PIP5K1B: variants seen among roughly 807,000 people sequenced by gnomAD.
PIP5K1B encodes phosphatidylinositol 4-phosphate 5-kinase type-1 beta.
In PIP5K1B, 42 loss-of-function variants were observed where a neutral mutation model predicts 67.0. The observed-to-expected ratio is 0.63, with a 90% CI of 0.49 to 0.81. The LOEUF is 0.81. Ranked by LOEUF, PIP5K1B falls within the 30% of genes least tolerant of loss-of-function variation. The probability of loss-of-function intolerance (pLI) is 0.00; values close to 1 mark genes in which losing one functional copy is unlikely to be tolerated. For synonymous variants in PIP5K1B, 214 were observed against 231.4 expected (o/e 0.92, Z 0.68); for missense variants, 459 against 646.3 (o/e 0.71, Z 3.14).
intron 2 of PIP5K1B, chr9:68,781,064 A>C: frequency 1.9e-6 from 3 of 1,582,494 alleles, no homozygotes; most frequent in Non-Finnish European, 2.6e-6. Context: ...TGCAGTGGAG[A>C]GAGAGAATAA....
chr9:68,957,874 C>CT (rs61201790), intron 14 of PIP5K1B, among the ~76,000 whole-genome samples: 50 of 146,842 alleles, frequency 3.4e-4, no homozygotes, highest in Middle Eastern at 7.0e-3. Flanking sequence ...GTTTTCTTTT[C>CT]TTTTTTTTTT....
At chr9:68,995,069 A>G (rs1830544729) in intron 15 of PIP5K1B, among the ~76,000 whole-genome samples, 1 of 151,856 alleles carries the variant, frequency 6.6e-6, no homozygotes, top group Admixed American at 6.6e-5. Context: ...CCTCAGGCCC[A>G]GGAGTCTGAG....
chr9:68,954,632 A>G (rs1365449722), intron 14 of PIP5K1B, among the ~76,000 whole-genome samples: 1 of 152,216 alleles, frequency 6.6e-6, no homozygotes, highest in East Asian at 1.9e-4. Flanking sequence ...GTATCTCATC[A>G]TGAGACAGTA....
chr9:68,961,832 A>C (rs1395950060), intron 14 of PIP5K1B, among the ~76,000 whole-genome samples: 1 of 151,954 alleles, frequency 6.6e-6, no homozygotes, highest in Non-Finnish European at 1.5e-5. Flanking sequence ...CGGAGAATAA[A>C]CCTCCATTCT....
intron 1 of PIP5K1B, among the ~76,000 whole-genome samples, chr9:68,724,176 G>A (rs767910696): frequency 4.0e-5 from 6 of 151,416 alleles, no homozygotes; most frequent in Non-Finnish European, 5.9e-5. Flanking sequence ...AAATGGGTTG[G>A]CTGCAAGTGT....
intron 4 of PIP5K1B, among the ~76,000 whole-genome samples, chr9:68,861,311 T>C (rs1319564852): frequency 1.3e-5 from 2 of 152,150 alleles, no homozygotes. Flanking sequence ...CAAGAGCATA[T>C]ATTTGGTCCT....
At chr9:68,915,146 C>CT (rs1826033795) in intron 8 of PIP5K1B, among the ~76,000 whole-genome samples, 1 of 152,286 alleles carries the variant, frequency 6.6e-6, no homozygotes, top group African/African-American at 2.4e-5. Context: ...GATGAGGAAA[C>CT]TGAGACACAA....
At chr9:68,838,212 G>C (rs1463040301) in intron 4 of PIP5K1B, among the ~76,000 whole-genome samples, 5 of 151,332 alleles carry the variant, frequency 3.3e-5, no homozygotes, top group African/African-American at 9.7e-5. Context: ...GTTCATGACT[G>C]ATTCTTGGGT....
intron 3 of PIP5K1B, among the ~76,000 whole-genome samples, chr9:68,820,086 C>T (rs1379574218): frequency 1.3e-5 from 2 of 152,148 alleles, no homozygotes; most frequent in Non-Finnish European, 2.9e-5. Flanking sequence ...AAGCACCCTT[C>T]AGAGTTGCTC....
At chr9:68,771,896 A>G (rs1413054161) in intron 2 of PIP5K1B, among the ~76,000 whole-genome samples, 1 of 152,236 alleles carries the variant, frequency 6.6e-6, no homozygotes, top group South Asian at 2.1e-4. Flanking sequence ...AGTTGTGGAT[A>G]CTGAAATACA....
intron 7 of PIP5K1B, among the ~76,000 whole-genome samples, chr9:68,893,857 A>G (rs1406524175): frequency 6.6e-6 from 1 of 152,250 alleles, no homozygotes; most frequent in Admixed American, 6.5e-5. Context: ...TCATGCTTAC[A>G]AAGATTTTAA....
At position 68,968,697 on chromosome 9, in the gene PIP5K1B, T is replaced by TTA. The variant is rs1308915569; in HGVS notation, c.1503-22425_1503-22424dup. Among the ~76,000 whole-genome samples the TTA allele has an allele frequency of 7.4e-3, 1,102 of 147,978 alleles. 15 individuals are homozygous for TTA. Among genetic ancestry groups the TTA allele is most frequent in the African/African-American group, 0.026 (1,049 of 40,286 alleles). Reference sequence around the variant, plus strand: ...GTGGACAGTGTGTTAGGATCCTTGTTTATATATATATATATATATTTTTTT... The same window carrying TTA: ...GTGGACAGTGTGTTAGGATCCTTGTTTATATATATATATATATATATTTTTTT... On this transcript the variant is annotated intron_variant, in intron 14 of 15. Transcript: ENST00000265382.
At position 68,917,641 on chromosome 9, in the gene PIP5K1B, C is replaced by A. The variant is rs754879182; in HGVS notation, c.865C>A (p.Gln289Lys). 6.2e-7 allele frequency: 1 copy of A among 1,613,910 alleles called. No individual in the cohort carries two copies. The highest frequency in any genetic ancestry group is 8.5e-7 in the Non-Finnish European group (1 of 1,179,782). ...SLKEKEEETP[Q>K]NVPDAKRTGM... The stretch of plus-strand genomic sequence containing the variant: ...CAAAGAGAAAGAGGAGGAGACCCCA[C>A]AAAATGTGCCTGATGCTAAGCGGAC... The change falls in exon 9 of 16, where the codon CAA (glutamine) becomes AAA (lysine). Residue 289 changes from glutamine to lysine, a missense_variant. Gln to Lys is a moderately conservative substitution (Grantham distance 53, BLOSUM62 1). Coordinates refer to ENST00000265382, the MANE Select transcript of PIP5K1B (RefSeq NM_003558.4).
At chr9:68,921,208 C>A (rs1826382945) in intron 11 of PIP5K1B, among the ~76,000 whole-genome samples, 1 of 151,976 alleles carries the variant, frequency 6.6e-6, no homozygotes, top group Non-Finnish European at 1.5e-5. Flanking sequence ...TGCTGGTAGT[C>A]CTGGCTACTC....
intron 4 of PIP5K1B, among the ~76,000 whole-genome samples, chr9:68,861,422 AG>A (rs1345700820): frequency 1.3e-5 from 2 of 152,242 alleles, no homozygotes; most frequent in East Asian, 3.8e-4. Context: ...TGATAACACT[AG>A]GTGTAGACTA....
rs376694991 is a variant in PIP5K1B at position 68,976,670 on chromosome 9, A to C, written c.1503-14470A>C. ...GCAGAGTAGGGATGGTTTCAGAATG[A>C]AACTGTTCTGCCTCAGATCATCAGG... is the stretch of plus-strand genomic sequence containing the variant. On this transcript the variant is annotated intron_variant, in intron 14 of 15. Transcript: ENST00000265382. Among the ~76,000 whole-genome samples the C allele has an allele frequency of 1.1e-4, 16 of 152,342 alleles. No individual in the cohort carries two copies. The East Asian group carries it at 3.1e-3, about 29-fold the overall frequency.
intron 6 of PIP5K1B, among the ~76,000 whole-genome samples, chr9:68,887,755 G>A (rs1398357280): frequency 6.6e-6 from 1 of 152,176 alleles, no homozygotes; most frequent in African/African-American, 2.4e-5. Flanking sequence ...CGGGCAGGCA[G>A]CATCAACAGT....
At chr9:68,801,222 C>T (rs1344071214) in intron 2 of PIP5K1B, among the ~76,000 whole-genome samples, 1 of 152,116 alleles carries the variant, frequency 6.6e-6, no homozygotes, top group Admixed American at 6.5e-5. Context: ...TGAAAATTCT[C>T]AAAGGAGGGC....
intron 2 of PIP5K1B, among the ~76,000 whole-genome samples, chr9:68,778,929 T>G (rs1358737965): frequency 6.6e-6 from 1 of 152,346 alleles, no homozygotes; most frequent in African/African-American, 2.4e-5. Flanking sequence ...CCACGTGACT[T>G]ACTGCTTCTT....
Sources: allele counts gnomAD v4.1 joint callset (sites outside exome capture counted in the v4.1 genomes callset), GRCh38; gene constraint gnomAD v4.1.1; transcripts MANE v1.5; gene names NCBI Gene and HGNC (gene_info 2026-07-23, HGNC 2026-07-21).